NOTO: variants seen among roughly 807,000 people sequenced by gnomAD.
NOTO encodes the protein homeobox protein notochord.
A neutral mutation model predicts 20.5 loss-of-function variants in NOTO; 19 were observed. The ratio of observed to expected loss-of-function variants is 0.93; its 90% CI spans 0.65 to 1.36. The LOEUF is 1.36. Ranked by LOEUF, NOTO falls within the 40% of genes most tolerant of loss-of-function variation. The pLI, the probability that NOTO is intolerant of heterozygous loss-of-function variation, is 0.00. For missense variants in NOTO, 369 were observed against 336.2 expected (o/e 1.10, Z -0.76); for synonymous variants, 150 against 150.2 (o/e 1.00, Z 0.01).
intron 2 of NOTO, 56 bp from the exon 3 acceptor site, chr2:73,210,715 G>C: frequency 7.0e-7 from 1 of 1,432,504 alleles, no homozygotes; most frequent in Non-Finnish European, 9.4e-7. Flanking sequence ...CCAGGAATTA[G>C]GAAGCAGTGG....
chr2:73,205,690 A>C (rs1023022930), intron 1 of NOTO, among the ~76,000 whole-genome samples: 1 of 151,422 alleles, frequency 6.6e-6, no homozygotes, highest in Non-Finnish European at 1.5e-5. Context: ...CTCATGCTGG[A>C]GTGCAGTGGT....
In NOTO at chr2:73,211,146, C is replaced by T. The variant is rs1305500928; in HGVS notation, c.*217C>T. 1 of 506,862 alleles carries T rather than the reference C, an allele frequency of 2.0e-6. No individual in the cohort carries two copies. Among genetic ancestry groups the T allele is most frequent in the Admixed American group, 3.6e-5 (1 of 27,864 alleles). The allele number at this position is 506,862 out of a possible 1,614,324, so 31.4% of individuals were successfully genotyped here. A position where few individuals can be genotyped will look rare whatever the true frequency, so the allele number is the denominator to read the frequency against. On this transcript the variant is annotated 3_prime_UTR_variant, in exon 3 of 3. Coordinates refer to ENST00000398468, the MANE Select transcript of NOTO (RefSeq NM_001134462.2). ...GGCCTTCAGCTATGTCCTTGGCCAA[C>T]CTATGGAACTTCCGAGCCTTTTTTC... is the stretch of plus-strand genomic sequence containing the variant.
At chr2:73,207,670 T>C (rs1686107994) in intron 1 of NOTO, among the ~76,000 whole-genome samples, 1 of 152,118 alleles carries the variant, frequency 6.6e-6, no homozygotes, top group Non-Finnish European at 1.5e-5. Context: ...TTCTCCTGCC[T>C]CAGCCTCCTG....
In NOTO at chr2:73,203,032, G is replaced by C. The variant is rs1290161786; in HGVS notation, c.366G>C (p.Leu122=). ...GPRVAPVCGL[L]GFGVTGLELA... is the part of the protein sequence containing the mutation. ...GCGTGGCTCCCGTCTGCGGCCTGCT[G>C]GGCTTCGGCGTCACAGGTACTGCGG... is the stretch of plus-strand genomic sequence containing the variant. The change falls in exon 1 of 3, where the codon CTG becomes CTC. Residue 122 remains leucine (L), a synonymous_variant. Coordinates refer to ENST00000398468, the MANE Select transcript of NOTO (RefSeq NM_001134462.2). 1.4e-6 allele frequency: 2 copies of C among 1,400,678 alleles called. No homozygotes were observed. Among genetic ancestry groups the C allele is most frequent in the African/African-American group, 3.0e-5 (2 of 65,926 alleles). The allele number at this position is 1,400,678 out of a possible 1,614,324, so 86.8% of individuals were successfully genotyped here.
chr2:73,204,098 C>CAAA (rs1189040660), intron 1 of NOTO, among the ~76,000 whole-genome samples: 22 of 27,316 alleles, frequency 8.1e-4, no homozygotes, highest in African/African-American at 2.2e-3. Context: ...AACTCCGTCT[C>CAAA]AAAAAAAAAA....
At chr2:73,204,506 C>T (rs901698483) in intron 1 of NOTO, among the ~76,000 whole-genome samples, 4 of 152,184 alleles carry the variant, frequency 2.6e-5, no homozygotes, top group Non-Finnish European at 5.9e-5. Flanking sequence ...CCCAATCCTG[C>T]ATTTCCTCAC....
chr2:73,203,940 A>C (rs1686047070), intron 1 of NOTO, among the ~76,000 whole-genome samples: 1 of 131,094 alleles, frequency 7.6e-6, no homozygotes. Context: ...CTCTACTAAA[A>C]ATACAAAAAT....
At position 73,210,243 on chromosome 2, in the gene NOTO, C is replaced by T. The variant is rs527525956; in HGVS notation, c.598-528C>T. The stretch of plus-strand genomic sequence containing the variant: ...TTGACTTTCTCCTCTCACTGTCATC[C>T]GTGCTCTCCTCCTTCCTGGTCCTCA... On this transcript the variant is annotated intron_variant, in intron 2 of 2. Transcript: ENST00000398468. Among the ~76,000 whole-genome samples, 8 of 152,332 alleles carry T rather than the reference C, an allele frequency of 5.3e-5. No homozygotes were observed. In the South Asian group the frequency reaches 1.5e-3, roughly 28 times the overall value.
chr2:73,203,956 G>C (rs1223619566), intron 1 of NOTO, among the ~76,000 whole-genome samples: 1 of 131,096 alleles, frequency 7.6e-6, no homozygotes, highest in Admixed American at 7.3e-5. Flanking sequence ...AAAATTAGCC[G>C]GGCATGGTGG....
In NOTO at chr2:73,210,752, G is replaced by T. The variant is rs1326505189; in HGVS notation, c.598-19G>T. ...ACCTGATGGTCACATTCTGATCTCTGCCCACTCTCCAATTATAGGTGAGAG... is the reference window on the plus strand; with the variant it reads ...ACCTGATGGTCACATTCTGATCTCTTCCCACTCTCCAATTATAGGTGAGAG... On this transcript the variant is annotated intron_variant, in intron 2 of 2. Transcript: ENST00000398468. 2 of 1,538,684 alleles carry T rather than the reference G, an allele frequency of 1.3e-6. No individual in the cohort carries two copies. The highest frequency in any genetic ancestry group is 1.2e-5 in the South Asian group (1 of 81,992).
At position 73,209,075 on chromosome 2, in the gene NOTO, C is replaced by T. The variant is rs188390601; in HGVS notation, c.597+461C>T. On this transcript the variant is annotated intron_variant, in intron 2 of 2. Coordinates refer to ENST00000398468, the MANE Select transcript of NOTO (RefSeq NM_001134462.2). Reference sequence around the variant, plus strand: ...CTATAATCCCAGCTACTTAGGAGGCCGATGCAGGAGAATCGCTTGAGCCTG... The same window carrying T: ...CTATAATCCCAGCTACTTAGGAGGCTGATGCAGGAGAATCGCTTGAGCCTG... Among the ~76,000 whole-genome samples the T allele has an allele frequency of 4.7e-3, 709 of 149,706 alleles. 7 individuals are homozygous for T. The highest frequency in any genetic ancestry group is 0.017 in the African/African-American group (675 of 40,590).
intron 2 of NOTO, among the ~76,000 whole-genome samples, chr2:73,209,174 CAAAA>C (rs1214608418): frequency 1.5e-4 from 8 of 53,304 alleles, no homozygotes; most frequent in Middle Eastern, 9.8e-3. Context: ...GAGCCCGTCT[CAAAA>C]AAAAAAAAAA....
Position 73,203,041 on chromosome 2 carries a change from C to T in NOTO, c.375C>T (p.Gly125=), listed in dbSNP as rs1303532828. 1 of 1,395,410 alleles carries T rather than the reference C, an allele frequency of 7.2e-7. No individual in the cohort carries two copies. Among genetic ancestry groups the T allele is most frequent in the Non-Finnish European group, 9.3e-7 (1 of 1,078,176 alleles). The allele number at this position is 1,395,410 out of a possible 1,614,324, so 86.4% of individuals were successfully genotyped here. A position where few individuals can be genotyped will look rare whatever the true frequency, so the allele number is the denominator to read the frequency against. The stretch of plus-strand genomic sequence containing the variant: ...CCGTCTGCGGCCTGCTGGGCTTCGG[C>T]GTCACAGGTACTGCGGTCCCGGCGC... ...VAPVCGLLGF[G]VTGLELAHCS... is the part of the protein sequence containing the mutation. Residue 125 remains glycine (G), a synonymous_variant, in exon 1 of 3, where the codon GGC becomes GGT. Coordinates refer to ENST00000398468, the MANE Select transcript of NOTO (RefSeq NM_001134462.2).
intron 2 of NOTO, 52 bp downstream of exon 2, chr2:73,208,666 A>G (rs1686125500): frequency 8.5e-7 from 1 of 1,180,406 alleles, no homozygotes. Context: ...GACAAACACT[A>G]CCTCAGCAAG....
intron 1 of NOTO, among the ~76,000 whole-genome samples, chr2:73,207,039 C>G (rs1686097717): frequency 6.6e-6 from 1 of 152,142 alleles, no homozygotes; most frequent in South Asian, 2.1e-4. Flanking sequence ...AGGCTATCCG[C>G]CTGCCTCAGC....
At chr2:73,203,122 C>T in intron 1 of NOTO, 74 bp downstream of exon 1, 1 of 1,289,576 alleles carries the variant, frequency 7.8e-7, no homozygotes, top group Non-Finnish European at 1.0e-6. Flanking sequence ...CTGCCGGCGC[C>T]CCAGTGCAGG....
At chr2:73,206,734 GC>G (rs1423284219) in intron 1 of NOTO, among the ~76,000 whole-genome samples, 1 of 147,820 alleles carries the variant, frequency 6.8e-6, no homozygotes, top group Non-Finnish European at 1.5e-5. Flanking sequence ...ACATTGTCTT[GC>G]CCAAGGTCCT....
intron 1 of NOTO, among the ~76,000 whole-genome samples, chr2:73,204,934 G>GCAGTGGTGCAATCTCGGCA (rs1686069620): frequency 6.9e-6 from 1 of 145,738 alleles, no homozygotes. Flanking sequence ...AGGCTGGAGT[G>GCAGTGGTGCAATCTCGGCA]CAGTGGTGCA....
In NOTO at chr2:73,202,848, G is replaced by A; in HGVS notation, c.182G>A (p.Cys61Tyr). Residue 61 changes from cysteine to tyrosine, a missense_variant, in exon 1 of 3, where the codon TGC becomes TAC. Cys to Tyr is a radical substitution (Grantham distance 194). Transcript: ENST00000398468. ...GCCATCCTGGCGAGGCCCGACCCCT[G>A]CGCGCCGGCGGCCTCCCAGCCGTCG... ...VEAILARPDP[C>Y]APAASQPSGS... The A allele has an allele frequency of 6.6e-7, 1 of 1,525,956 alleles. No individual in the cohort carries two copies. Among genetic ancestry groups the A allele is most frequent in the South Asian group, 1.2e-5 (1 of 83,090 alleles). The allele number at this position is 1,525,956 out of a possible 1,614,324, so 94.5% of individuals were successfully genotyped here.
Sources: gnomAD v4.1 joint callset for allele counts (sites outside exome capture counted in the v4.1 genomes callset) on GRCh38, gnomAD v4.1.1 for gene constraint, MANE v1.5 for transcripts, NCBI Gene and HGNC (gene_info 2026-07-23, HGNC 2026-07-21) for gene names.